TMEM62: variants seen among roughly 807,000 people sequenced by gnomAD.
TMEM62 encodes the protein transmembrane protein 62.
A neutral mutation model predicts 70.4 loss-of-function variants in TMEM62; 41 were observed. The ratio of observed to expected loss-of-function variants is 0.58; its 90% CI spans 0.45 to 0.76. The LOEUF (loss-of-function observed/expected upper bound fraction) is 0.76. Among genes scored for constraint, TMEM62 ranks in the 30% least tolerant of loss-of-function variants. TMEM62 has a pLI of 0.00. For missense variants in TMEM62, 688 were observed against 788.5 expected (o/e 0.87, Z 1.53); for synonymous variants, 268 against 291.0 (o/e 0.92, Z 0.80).
intron 8 of TMEM62, 123 bp downstream of exon 8, chr15:43,152,068 A>G (rs2037462069): frequency 1.7e-6 from 1 of 576,372 alleles, no homozygotes; most frequent in East Asian, 3.1e-5. Context: ...CAACCTAAAC[A>G]TTATATAAAG....
chr15:43,136,576 C>G (rs969451121), intron 3 of TMEM62, among the ~76,000 whole-genome samples: 4 of 151,802 alleles, frequency 2.6e-5, no homozygotes, highest in Non-Finnish European at 5.9e-5. Flanking sequence ...TCCTGAGTAG[C>G]TGGGATTACA....
In TMEM62 at chr15:43,150,727, C is replaced by T. The variant is rs541281208; in HGVS notation, c.867-1063C>T. ...AATTCCTATTTCGACATGTCGATTCCAGGGCAGGGAAGAGAGCAAGGAGAA... is the reference window on the plus strand; with the variant it reads ...AATTCCTATTTCGACATGTCGATTCTAGGGCAGGGAAGAGAGCAAGGAGAA... On this transcript the variant is annotated intron_variant, in intron 7 of 13. Coordinates refer to ENST00000260403, the MANE Select transcript of TMEM62 (RefSeq NM_024956.4). Among the ~76,000 whole-genome samples, 188 of 152,182 alleles carry T rather than the reference C, an allele frequency of 1.2e-3. 1 individual carries two copies. The highest frequency in any genetic ancestry group is 4.4e-3 in the African/African-American group (182 of 41,502).
intron 10 of TMEM62, chr15:43,168,895 C>G (rs2039892826): frequency 6.6e-6 from 1 of 152,342 alleles, no homozygotes; most frequent in Admixed American, 6.5e-5. Flanking sequence ...CAGGTTCCTA[C>G]CACTGGGGCA....
At chr15:43,161,794 G>A (rs927047033) in intron 10 of TMEM62, among the ~76,000 whole-genome samples, 6 of 152,052 alleles carry the variant, frequency 3.9e-5, no homozygotes, top group Non-Finnish European at 5.9e-5. Flanking sequence ...CTGAGTAGCT[G>A]GGATTACAGG....
intron 9 of TMEM62, chr15:43,160,265 G>C (rs1331362224): frequency 6.6e-6 from 1 of 152,434 alleles, no homozygotes; most frequent in Non-Finnish European, 1.5e-5. Context: ...CACCTTGCCT[G>C]GCCTAAGAAA....
At chr15:43,143,618 C>T (rs1469533553) in intron 4 of TMEM62, among the ~76,000 whole-genome samples, 1 of 152,190 alleles carries the variant, frequency 6.6e-6, no homozygotes, top group Non-Finnish European at 1.5e-5. Context: ...TTTTCAGAAT[C>T]CTGAGATACT....
intron 11 of TMEM62, among the ~76,000 whole-genome samples, chr15:43,171,032 G>C (rs184017498): frequency 6.6e-6 from 1 of 152,242 alleles, no homozygotes; most frequent in East Asian, 1.9e-4. Context: ...ACAGATTTTA[G>C]AATTAAGTCA....
intron 5 of TMEM62, among the ~76,000 whole-genome samples, chr15:43,148,542 T>C (rs550170088): frequency 2.6e-4 from 39 of 152,352 alleles, no homozygotes; most frequent in African/African-American, 9.4e-4. Flanking sequence ...ACCCTACCTA[T>C]TGCAGAGTTA....
intron 9 of TMEM62, among the ~76,000 whole-genome samples, chr15:43,157,501 A>G (rs762664959): frequency 1.3e-5 from 2 of 152,196 alleles, no homozygotes. Flanking sequence ...ATAAAAGCTT[A>G]AAAAACACAA....
At position 43,184,304 on chromosome 15, in the gene TMEM62, C is replaced by A. The variant is rs781638621; in HGVS notation, c.1650C>A (p.Ser550Arg). The change falls in exon 14 of 14, where the codon AGC becomes AGA. Residue 550 changes from serine to arginine, a missense_variant. Physicochemically the swap from Ser to Arg is moderately radical, Grantham distance 110. Coordinates refer to ENST00000260403, the MANE Select transcript of TMEM62 (RefSeq NM_024956.4). ...NIPLMAYMCW[S>R]LLQRCFGHNF... ...CCTTGATGGCTTACATGTGTTGGAG[C>A]TTGCTGCAGCGGTGCTTTGGTCACA... 26 of 1,614,150 alleles carry A rather than the reference C, an allele frequency of 1.6e-5. No individual in the cohort carries two copies. Among genetic ancestry groups the A allele is most frequent in the Non-Finnish European group, 2.2e-5 (26 of 1,180,020 alleles).
At chr15:43,146,425 A>G (rs1275426864) in intron 4 of TMEM62, 68 bp from the exon 5 acceptor site, 1 of 1,456,208 alleles carries the variant, frequency 6.9e-7, no homozygotes, top group Non-Finnish European at 9.3e-7. Flanking sequence ...AATCTAGCGT[A>G]TTAGGGAAGG....
intron 9 of TMEM62, among the ~76,000 whole-genome samples, chr15:43,156,503 G>A (rs1158291252): frequency 6.6e-6 from 1 of 152,110 alleles, no homozygotes; most frequent in Non-Finnish European, 1.5e-5. Flanking sequence ...GAGACTTGAA[G>A]GTTCATGTGC....
chr15:43,171,754 A>C (rs954576047), intron 11 of TMEM62, among the ~76,000 whole-genome samples: 1 of 151,376 alleles, frequency 6.6e-6, no homozygotes, highest in Non-Finnish European at 1.5e-5. Context: ...CAGCCTCCCA[A>C]GTAGATGGGA....
intron 3 of TMEM62, chr15:43,135,851 CT>C (rs1033820206): frequency 9.5e-5 from 46 of 485,122 alleles, no homozygotes; most frequent in Middle Eastern, 5.5e-4. Context: ...TGGTATGGTC[CT>C]TTTTTTGTGA....
At chr15:43,143,696 T>C (rs911808169) in intron 4 of TMEM62, among the ~76,000 whole-genome samples, 2 of 152,260 alleles carry the variant, frequency 1.3e-5, no homozygotes, top group Non-Finnish European at 2.9e-5. Flanking sequence ...CTTTTCATCC[T>C]GTGTCATACA....
chr15:43,160,939 A>G (rs912599279), intron 10 of TMEM62, 145 bp downstream of exon 10: 8 of 403,510 alleles, frequency 2.0e-5, no homozygotes, highest in African/African-American at 1.0e-4. Context: ...ATATAATAAG[A>G]TATTTTGAGA....
At position 43,162,433 on chromosome 15, in the gene TMEM62, C is replaced by CTTTTTTTTTTTTTTTTTTTTTTTT. The variant is rs1169921008; in HGVS notation, c.1296+1652_1296+1653insTTTTTTTTTTTTTTTTTTTTTTTT. Among the ~76,000 whole-genome samples the CTTTTTTTTTTTTTTTTTTTTTTTT allele has an allele frequency of 1.2e-3, 166 of 136,968 alleles. 10 individuals are homozygous for CTTTTTTTTTTTTTTTTTTTTTTTT. Among genetic ancestry groups the CTTTTTTTTTTTTTTTTTTTTTTTT allele is most frequent in the African/African-American group, 5.0e-3 (161 of 32,516 alleles). The allele number at this position is 136,968 out of a possible 152,430, so 89.9% of individuals were successfully genotyped here. Reference sequence around the variant, plus strand: ...CAGGCGTGAGCCACTGCCCCTGGCCCTTTTTTTTTTTTTGTTGAGCTGGAG... The same window carrying CTTTTTTTTTTTTTTTTTTTTTTTT: ...CAGGCGTGAGCCACTGCCCCTGGCCCTTTTTTTTTTTTTTTTTTTTTTTTTTTTTTTTTTTTTGTTGAGCTGGAG... On this transcript the variant is annotated intron_variant, in intron 10 of 13. Transcript: ENST00000260403.
In TMEM62 at chr15:43,180,431, G is replaced by A. The variant is rs192948450; in HGVS notation, c.1487-750G>A. Among the ~76,000 whole-genome samples, 15 of 152,228 alleles carry A rather than the reference G, an allele frequency of 9.9e-5. No homozygotes were observed. In the East Asian group the frequency reaches 2.9e-3, roughly 29 times the overall value. ...AGCCACCCTGCCTGGCCTAGTATTT[G>A]CATTTTGCAAACGGAAATCTAACTG... is the stretch of plus-strand genomic sequence containing the variant. On this transcript the variant is annotated intron_variant, in intron 12 of 13. Transcript: ENST00000260403.
At chr15:43,173,099 G>A (rs1020703868) in intron 11 of TMEM62, among the ~76,000 whole-genome samples, 4 of 152,142 alleles carry the variant, frequency 2.6e-5, no homozygotes, top group African/African-American at 9.7e-5. Flanking sequence ...GTGGTGGCAT[G>A]CACCTGTAAT....
Sources: gnomAD v4.1 joint callset for allele counts (sites outside exome capture counted in the v4.1 genomes callset) on GRCh38, gnomAD v4.1.1 for gene constraint, MANE v1.5 for transcripts, NCBI Gene and HGNC (gene_info 2026-07-23, HGNC 2026-07-21) for gene names.